The following NOL11 variants were observed in gnomAD, a reference collection of about 807,000 sequenced individuals.
The protein encoded by NOL11 is nucleolar protein 11.
Under a neutral mutation model 93.0 loss-of-function variants are expected in NOL11, and 42 were observed. That is an observed-to-expected ratio of 0.45 (90% CI 0.35 to 0.58). The LOEUF (loss-of-function observed/expected upper bound fraction) is 0.58, where lower values mean the gene tolerates loss of function less well. Among genes scored for constraint, NOL11 ranks in the 20% least tolerant of loss-of-function variants. The pLI, the probability that NOL11 is intolerant of heterozygous loss-of-function variation, is 0.00. For synonymous variants in NOL11, 296 were observed against 293.7 expected, an observed-to-expected ratio of 1.01 and a Z score of -0.08; for missense variants, 775 against 841.8, an observed-to-expected ratio of 0.92 and a Z score of 0.98.
chr17:67,719,768 T>A lies in NOL11; in HGVS notation c.236T>A (p.Val79Asp). Residue 79 changes from valine (V) to aspartate (D), a missense_variant, in exon 2 of 18, where the codon GTT becomes GAT. Around this residue, in one of 2 missense-constraint regions of NOL11, gnomAD observed 359 missense variants for 316.5 expected, o/e 1.13. Transcript: ENST00000253247. The stretch of plus-strand genomic sequence containing the variant: ...TGCAACTTTCAAACTGGAGAGTATG[T>A]TGTTGTACACGATAATAAGGTGAGT... ...AVCNFQTGEY[V>D]VVHDNKVLRI... 1 of 1,605,014 alleles carries A rather than the reference T, an allele frequency of 6.2e-7. No homozygotes were observed. The highest frequency in any genetic ancestry group is 2.2e-4 in the Middle Eastern group (1 of 4,522).
chr17:67,726,152 T>C (rs1195664010), intron 6 of NOL11, among the ~76,000 whole-genome samples: 3 of 152,226 alleles, frequency 2.0e-5, no homozygotes, highest in Non-Finnish European at 4.4e-5. Context: ...ATGAGGGATA[T>C]ATCCTTTTAG....
In NOL11 at chr17:67,726,900, C is replaced by T. The variant is rs3744269; in HGVS notation, c.853+252C>T. 0.84 allele frequency: 267,059 copies of T among 317,512 alleles called. 112,865 individuals are homozygous for T. Among genetic ancestry groups the T allele is most frequent in the Non-Finnish European group, 0.87 (152,993 of 175,084 alleles). The allele number at this position is 317,512 out of a possible 1,614,324, so 19.7% of individuals were successfully genotyped here. A position where few individuals can be genotyped will look rare whatever the true frequency, so the allele number is the denominator to read the frequency against. ...CTATGTCATAAAGAAATAAAAATGG[C>T]GAATATACTAGTCACCATCATACTA... On this transcript the variant is annotated intron_variant, in intron 7 of 17. Coordinates refer to ENST00000253247, the MANE Select transcript of NOL11 (RefSeq NM_015462.5).
Position 67,726,525 on chromosome 17 carries a change from A to G in NOL11, c.730A>G (p.Ser244Gly), listed in dbSNP as rs760085730. ...IRPADPEKNQSLVKSLLLKAV... is the reference protein window; with the variant it reads ...IRPADPEKNQGLVKSLLLKAV... ...TCCAGCTGACCCAGAAAAAAATCAG[A>G]GCTTAGTTAAATCACTGCTGCTCAA... is the stretch of plus-strand genomic sequence containing the variant. Residue 244 changes from serine (S) to glycine (G), a missense_variant, in exon 7 of 18, where the codon AGC becomes GGC. Ser to Gly is a moderately conservative substitution (Grantham distance 56). Coordinates refer to ENST00000253247, the MANE Select transcript of NOL11 (RefSeq NM_015462.5). The G allele has an allele frequency of 5.0e-6, 8 of 1,614,144 alleles. No individual in the cohort carries two copies. The highest frequency in any genetic ancestry group is 6.8e-6 in the Non-Finnish European group (8 of 1,180,012).
chr17:67,724,246 G>A, intron 6 of NOL11, 53 bp downstream of exon 6: 1 of 1,087,944 alleles, frequency 9.2e-7, no homozygotes, highest in South Asian at 1.5e-5. Flanking sequence ...GATTGTTATA[G>A]GATAGTGTAT....
intron 7 of NOL11, among the ~76,000 whole-genome samples, chr17:67,730,306 G>T (rs1036238489): frequency 6.6e-6 from 1 of 152,046 alleles, no homozygotes; most frequent in African/African-American, 2.4e-5. Flanking sequence ...TCGCCCAGAG[G>T]CTAGAGTGCA....
chr17:67,734,233 A>G, intron 7 of NOL11, 130 bp from the exon 8 acceptor site: 1 of 627,300 alleles, frequency 1.6e-6, no homozygotes, highest in East Asian at 3.1e-5. Flanking sequence ...TTCCTGTGGC[A>G]ATCACTGTCT....
intron 1 of NOL11, 54 bp from the exon 2 acceptor site, chr17:67,719,620 T>A: frequency 3.2e-6 from 3 of 928,918 alleles, no homozygotes; most frequent in Admixed American, 2.3e-5. Context: ...ACTTAATTGC[T>A]TTTAATGTTT....
chr17:67,735,357 T>A (rs2055191422), intron 8 of NOL11, among the ~76,000 whole-genome samples: 3 of 151,652 alleles, frequency 2.0e-5, no homozygotes, highest in Admixed American at 6.6e-5. Flanking sequence ...AAAAAAGTAA[T>A]TTTAACTATT....
rs538306868 is a variant in NOL11, at chr17:67,729,988, C to T, written c.853+3340C>T. 5.3e-4 allele frequency among the ~76,000 whole-genome samples: 80 copies of T among 151,376 alleles called. 1 individual carries two copies. The South Asian group carries it at 0.016, about 30-fold the overall frequency. On this transcript the variant is annotated intron_variant, in intron 7 of 17. Transcript: ENST00000253247. ...GAGGTCTTGCTACGAGCTCCTCCTG[C>T]CTCAGCCTCCCATAGTGTTGGGATT...
intron 15 of NOL11, among the ~76,000 whole-genome samples, 180 bp from the exon 16 acceptor site, chr17:67,739,336 A>G (rs1358507124): frequency 6.6e-6 from 1 of 152,108 alleles, no homozygotes; most frequent in South Asian, 2.1e-4. Flanking sequence ...ACTACCCCCA[A>G]ACCAGATGAG....
At chr17:67,735,453 C>A (rs1461375210) in intron 8 of NOL11, among the ~76,000 whole-genome samples, 1 of 151,702 alleles carries the variant, frequency 6.6e-6, no homozygotes, top group Admixed American at 6.6e-5. Context: ...TTTATTATTA[C>A]AAACTTTTTT....
chr17:67,737,410 C>T, intron 11 of NOL11, 98 bp from the exon 12 acceptor site: 2 of 1,015,606 alleles, frequency 2.0e-6, no homozygotes, highest in Non-Finnish European at 2.9e-6. Context: ...TGCATGATAA[C>T]TGTTAGTCAT....
chr17:67,721,709 A>G (rs114937040), intron 4 of NOL11, among the ~76,000 whole-genome samples, 183 bp downstream of exon 4: 1,555 of 152,340 alleles, frequency 0.01, 28 homozygotes, highest in African/African-American at 0.034. Flanking sequence ...AAGAAACCAT[A>G]GAGTCATATG....
chr17:67,724,126 C>G lies in NOL11; in HGVS notation c.597C>G (p.Asp199Glu), dbSNP rs377003215. ...LTKYTLLLGQ[D>E]ENSVIKSFTA... Reference sequence around the variant, plus strand: ...AATATACACTCTTACTTGGACAAGACGAAAACTCTGTTATAAAGAGTTTTA... The same window carrying G: ...AATATACACTCTTACTTGGACAAGAGGAAAACTCTGTTATAAAGAGTTTTA... Residue 199 changes from aspartate to glutamate, a missense_variant, in exon 6 of 18, where the codon GAC becomes GAG. Physicochemically the swap from Asp to Glu is conservative, Grantham distance 45 (BLOSUM62 2). Transcript: ENST00000253247. 5 of 1,591,898 alleles carry G rather than the reference C, an allele frequency of 3.1e-6. No homozygotes were observed. In the African/African-American group the frequency reaches 6.8e-5, roughly 22 times the overall value.
rs564359793 is a variant in NOL11, at chr17:67,732,527, A to C, written c.854-1836A>C. Among the ~76,000 whole-genome samples the C allele has an allele frequency of 6.6e-5, 10 of 151,296 alleles. No individual in the cohort carries two copies. The South Asian group carries it at 2.1e-3, about 32-fold the overall frequency. The stretch of plus-strand genomic sequence containing the variant: ...AAAAAAAATTATTCCTAGGTATTTT[A>C]TTCTGTTGGATGCTAATATACATGG... On this transcript the variant is annotated intron_variant, in intron 7 of 17. Coordinates refer to ENST00000253247, the MANE Select transcript of NOL11 (RefSeq NM_015462.5).
chr17:67,719,874 G>C (rs1480972393), intron 2 of NOL11, 32 bp from the exon 3 acceptor site: 8 of 1,535,100 alleles, frequency 5.2e-6, no homozygotes, highest in Non-Finnish European at 7.1e-6. Flanking sequence ...TGGAGAATAG[G>C]ATAGTTTTTA....
Position 67,737,547 on chromosome 17 carries a change from T to C in NOL11, c.1258T>C (p.Phe420Leu). 6.2e-7 allele frequency: 1 copy of C among 1,607,956 alleles called. No homozygotes were observed. Among genetic ancestry groups the C allele is most frequent in the Non-Finnish European group, 8.5e-7 (1 of 1,178,430 alleles). ...EKHIEVEVRK[F>L]LALKQTPDFH... ...ACACATTGAAGTAGAAGTACGGAAA[T>C]TTTTGGCTCTGAAGCAGACACCTGA... Residue 420 changes from phenylalanine (F) to leucine (L), a missense_variant, in exon 12 of 18, where the codon TTT becomes CTT. Coordinates refer to ENST00000253247, the MANE Select transcript of NOL11 (RefSeq NM_015462.5).
At chr17:67,723,491 C>T (rs1483907824) in intron 5 of NOL11, among the ~76,000 whole-genome samples, 20 of 138,470 alleles carry the variant, frequency 1.4e-4, no homozygotes, top group African/African-American at 5.4e-4. Context: ...TGGGTTCAAG[C>T]GATTCTCCTG....
In NOL11 at chr17:67,743,968, A is replaced by G. The variant is rs2055278793; in HGVS notation, c.*109A>G. The stretch of plus-strand genomic sequence containing the variant: ...TTGCGACCATCTCAGTGTCAAGAGA[A>G]ACGTGTCAGTGAGTACCTGGACCAT... On this transcript the variant is annotated 3_prime_UTR_variant, in exon 18 of 18. Coordinates refer to ENST00000253247, the MANE Select transcript of NOL11 (RefSeq NM_015462.5). 2.5e-5 allele frequency: 15 copies of G among 607,840 alleles called. No homozygotes were observed. The East Asian group carries it at 4.4e-4, about 18-fold the overall frequency. The allele number at this position is 607,840 out of a possible 1,614,324, so 37.7% of individuals were successfully genotyped here.
Sources: allele counts gnomAD v4.1 joint callset (sites outside exome capture counted in the v4.1 genomes callset), GRCh38; gene constraint gnomAD v4.1.1; regional missense constraint gnomAD v4.1.1; transcripts MANE v1.5; gene names NCBI Gene and HGNC (gene_info 2026-07-23, HGNC 2026-07-21).